Variants in RXYLT1 observed in about 807,000 individuals in gnomAD.
The protein encoded by RXYLT1 is ribitol xylosyltransferase 1, also known as ribitol-5-phosphate xylosyltransferase 1.
In RXYLT1, 41 loss-of-function variants were observed where a neutral mutation model predicts 43.5. That is an observed-to-expected ratio of 0.94 (90% CI 0.73 to 1.22). The LOEUF (loss-of-function observed/expected upper bound fraction) is 1.22, where lower values mean the gene tolerates loss of function less well. RXYLT1 is among the 50% of genes most tolerant of loss of function. The pLI is 0.00. For synonymous variants in RXYLT1, 166 were observed against 194.4 expected (o/e 0.85, Z 1.21); for missense variants, 514 against 532.0 (o/e 0.97, Z 0.33).
At chr12:63,798,216 A>G (rs1898077719) in intron 3 of RXYLT1, among the ~76,000 whole-genome samples, 1 of 152,026 alleles carries the variant, frequency 6.6e-6, no homozygotes, top group African/African-American at 2.4e-5. Flanking sequence ...CAAGCTCTCA[A>G]ACATTGAGTG....
intron 3 of RXYLT1, among the ~76,000 whole-genome samples, chr12:63,795,320 C>G (rs1592849127): frequency 6.6e-6 from 1 of 151,776 alleles, no homozygotes; most frequent in Non-Finnish European, 1.5e-5. Context: ...AAGGGCCAGG[C>G]ATAGTGGCTC....
intron 3 of RXYLT1, among the ~76,000 whole-genome samples, chr12:63,798,508 T>TA (rs1426673966): frequency 2.0e-5 from 3 of 152,212 alleles, no homozygotes; most frequent in Non-Finnish European, 4.4e-5. Flanking sequence ...TTTGGGCCCT[T>TA]AAAGTTTCTT....
intron 3 of RXYLT1, among the ~76,000 whole-genome samples, chr12:63,796,023 C>T (rs923350299): frequency 9.9e-5 from 15 of 152,090 alleles, no homozygotes; most frequent in African/African-American, 3.6e-4. Context: ...AAACTGTTAT[C>T]TAATTTACAG....
Position 63,809,056 on chromosome 12 carries a change from T to G in RXYLT1, c.1296T>G (p.Ile432Met), listed in dbSNP as rs749518997. The G allele has an allele frequency of 6.4e-7, 1 of 1,562,260 alleles. No homozygotes were observed. The highest frequency in any genetic ancestry group is 8.7e-7 in the Non-Finnish European group (1 of 1,154,452). The stretch of plus-strand genomic sequence containing the variant: ...AGCTTAAAATGAAATTTACTAATAT[T>G]TTAGAAAGCTCATTTTTAATGAATA... ...KTELKMKFTN[I>M]LESSFLMNNK... The change falls in exon 6 of 6, where the codon ATT becomes ATG. Residue 432 changes from isoleucine to methionine, a missense_variant. Transcript: ENST00000261234.
At chr12:63,800,541 G>A (rs539237191) in intron 3 of RXYLT1, among the ~76,000 whole-genome samples, 2 of 152,114 alleles carry the variant, frequency 1.3e-5, no homozygotes, top group Non-Finnish European at 2.9e-5. Context: ...CAATGGTACT[G>A]GTTGTTCTAG....
intron 3 of RXYLT1, among the ~76,000 whole-genome samples, chr12:63,799,047 T>C (rs905929778): frequency 1.4e-4 from 22 of 151,790 alleles, no homozygotes; most frequent in African/African-American, 4.4e-4. Context: ...GTGCTAAGAA[T>C]CTCTGACCTA....
At chr12:63,791,623 A>G (rs994209984) in intron 3 of RXYLT1, among the ~76,000 whole-genome samples, 10 of 152,234 alleles carry the variant, frequency 6.6e-5, no homozygotes, top group Admixed American at 6.5e-5. Flanking sequence ...GGAGATCCCA[A>G]ATAAAATTTT....
chr12:63,783,472 AC>A (rs1897732783), intron 2 of RXYLT1, among the ~76,000 whole-genome samples: 1 of 152,118 alleles, frequency 6.6e-6, no homozygotes. Context: ...AAAAAAAAAA[AC>A]ATTGCATATT....
chr12:63,784,958 G>A lies in RXYLT1; in HGVS notation c.326-12G>A. The A allele has an allele frequency of 6.2e-7, 1 of 1,609,772 alleles. No individual in the cohort carries two copies. Among genetic ancestry groups the A allele is most frequent in the Non-Finnish European group, 8.5e-7 (1 of 1,177,276 alleles). ...AAATTGTTTTGATTTTGTTTTTGTT[G>A]TTAATTACCAGGCTTGTATCTCTGG... On this transcript the variant is annotated splice_polypyrimidine_tract_variant and intron_variant, in intron 2 of 5. Transcript: ENST00000261234.
chr12:63,808,521 G>C, intron 5 of RXYLT1, 154 bp from the exon 6 acceptor site: 3 of 743,472 alleles, frequency 4.0e-6, no homozygotes, highest in Non-Finnish European at 6.2e-6. Flanking sequence ...TAAGAAATCT[G>C]TTTGGGCCAG....
Position 63,809,138 on chromosome 12 carries a change from C to A in RXYLT1, c.*46C>A. On this transcript the variant is annotated 3_prime_UTR_variant, in exon 6 of 6. Coordinates refer to ENST00000261234, the MANE Select transcript of RXYLT1 (RefSeq NM_014254.3). ...GTGATTTTTAAAATCATTTTGACTA[C>A]TGGGTGTATAAATGTGTTTGTGTGT... 7.7e-7 allele frequency: 1 copy of A among 1,305,872 alleles called. No individual in the cohort carries two copies. The allele number at this position is 1,305,872 out of a possible 1,614,324, so 80.9% of individuals were successfully genotyped here.
intron 3 of RXYLT1, among the ~76,000 whole-genome samples, chr12:63,793,205 C>A (rs1012223207): frequency 1.3e-5 from 2 of 152,124 alleles, no homozygotes; most frequent in African/African-American, 4.8e-5. Context: ...TTTTAATATC[C>A]TCTTTATAGT....
chr12:63,802,309 A>G lies in RXYLT1; in HGVS notation c.647A>G (p.Lys216Arg), dbSNP rs200642014. ...AATGAGTGGATAAACCCATTCCTCA[A>G]AAGAAATGGAGGCTTCGTGGAGCTG... ...CDNEWINPFLKRNGGFVELLF... is the reference protein window; with the variant it reads ...CDNEWINPFLRRNGGFVELLF... The change falls in exon 4 of 6, where the codon AAA (lysine) becomes AGA (arginine). Residue 216 changes from lysine (K) to arginine (R), a missense_variant. Transcript: ENST00000261234. The G allele has an allele frequency of 3.2e-5, 52 of 1,613,398 alleles. No homozygotes were observed. The highest frequency in any genetic ancestry group is 4.0e-5 in the Non-Finnish European group (47 of 1,179,484).
chr12:63,796,788 A>C (rs1898041184), intron 3 of RXYLT1, among the ~76,000 whole-genome samples: 1 of 152,040 alleles, frequency 6.6e-6, no homozygotes, highest in Non-Finnish European at 1.5e-5. Context: ...ACTGGATAAA[A>C]ATTTAAAAAT....
At chr12:63,793,225 A>G (rs1391808623) in intron 3 of RXYLT1, among the ~76,000 whole-genome samples, 3 of 152,254 alleles carry the variant, frequency 2.0e-5, no homozygotes, top group Admixed American at 6.5e-5. Context: ...TAATTTAATT[A>G]CAATTTTGCC....
intron 2 of RXYLT1, chr12:63,782,626 A>G: frequency 6.6e-6 from 3 of 456,648 alleles, no homozygotes; most frequent in Non-Finnish European, 1.3e-5. Context: ...ACTCCATTAG[A>G]TGGGAAGCTC....
intron 3 of RXYLT1, among the ~76,000 whole-genome samples, chr12:63,800,074 T>C (rs1432439797): frequency 1.3e-5 from 2 of 152,252 alleles, no homozygotes; most frequent in Non-Finnish European, 2.9e-5. Context: ...ATATGGTACA[T>C]GCACACATAG....
At chr12:63,780,529 C>G (rs1897656403) in intron 1 of RXYLT1, 1 of 1,032,992 alleles carries the variant, frequency 9.7e-7, no homozygotes. Flanking sequence ...ATAAGGCAGA[C>G]TTTACCTCCA....
chr12:63,789,710 C>A (rs1897882246), intron 3 of RXYLT1, among the ~76,000 whole-genome samples: 1 of 152,088 alleles, frequency 6.6e-6, no homozygotes, highest in South Asian at 2.1e-4. Context: ...AGAAAGGTCA[C>A]CATTGTATGA....
Sources: gnomAD v4.1 joint callset for allele counts (sites outside exome capture counted in the v4.1 genomes callset) on GRCh38, gnomAD v4.1.1 for gene constraint, MANE v1.5 for transcripts, NCBI Gene and HGNC (gene_info 2026-07-23, HGNC 2026-07-21) for gene names.